Variants in SMOC1 observed in about 807,000 individuals in gnomAD.
SMOC1 encodes the protein SPARC related modular calcium binding 1.
SMOC1 carries 22 observed loss-of-function variants against 56.3 expected under a neutral mutation model. The ratio of observed to expected loss-of-function variants is 0.39; its 90% confidence interval spans 0.28 to 0.56. The LOEUF is 0.56. Among genes scored for constraint, SMOC1 ranks in the 20% least tolerant of loss-of-function variants. SMOC1 has a pLI of 0.61. For missense variants in SMOC1, 509 were observed against 565.4 expected (o/e 0.90, Z 1.01); for synonymous variants, 193 against 215.0 (o/e 0.90, Z 0.89).
chr14:69,982,484 G>A (rs1474201032), intron 5 of SMOC1, among the ~76,000 whole-genome samples: 1 of 152,200 alleles, frequency 6.6e-6, no homozygotes, highest in Admixed American at 6.5e-5. Context: ...GAGCAGCTCT[G>A]AGGGGCAGGC....
intron 1 of SMOC1, among the ~76,000 whole-genome samples, chr14:69,935,369 T>C (rs548748276): frequency 2.0e-5 from 3 of 152,268 alleles, no homozygotes; most frequent in African/African-American, 7.2e-5. Flanking sequence ...CTAGAAGAAA[T>C]AGTTTCTTAT....
At chr14:70,010,518 G>C (rs577889123) in intron 7 of SMOC1, among the ~76,000 whole-genome samples, 240 of 152,334 alleles carry the variant, frequency 1.6e-3, no homozygotes, top group African/African-American at 5.3e-3. Flanking sequence ...CTATTTGGTG[G>C]GAATGCTAAT....
At chr14:69,997,728 T>C (rs1884818243) in intron 7 of SMOC1, among the ~76,000 whole-genome samples, 1 of 152,186 alleles carries the variant, frequency 6.6e-6, no homozygotes, top group South Asian at 2.1e-4. Context: ...TAATGAGAAG[T>C]CAGATATACC....
intron 1 of SMOC1, among the ~76,000 whole-genome samples, chr14:69,943,622 T>C (rs1882663217): frequency 6.6e-6 from 1 of 152,194 alleles, no homozygotes; most frequent in Non-Finnish European, 1.5e-5. Flanking sequence ...CAGCTAGACG[T>C]CTGGAATGTG....
At chr14:69,880,635 G>A (rs985231727) in intron 1 of SMOC1, among the ~76,000 whole-genome samples, 1 of 152,158 alleles carries the variant, frequency 6.6e-6, no homozygotes, top group East Asian at 1.9e-4. Flanking sequence ...ACTATTAAAC[G>A]ACCTAGTGGT....
intron 3 of SMOC1, among the ~76,000 whole-genome samples, chr14:69,958,786 A>G (rs1362473082): frequency 6.6e-6 from 1 of 152,232 alleles, no homozygotes; most frequent in African/African-American, 2.4e-5. Context: ...AAAATTGGAA[A>G]CAACCTAAAT....
At chr14:69,989,869 A>G (rs1283602587) in intron 5 of SMOC1, among the ~76,000 whole-genome samples, 1 of 152,204 alleles carries the variant, frequency 6.6e-6, no homozygotes, top group Non-Finnish European at 1.5e-5. Context: ...AGAAGCCAGG[A>G]GCCCAGGTGC....
intron 7 of SMOC1, among the ~76,000 whole-genome samples, chr14:70,010,117 C>T (rs1379847017): frequency 6.6e-6 from 1 of 152,214 alleles, no homozygotes; most frequent in East Asian, 1.9e-4. Flanking sequence ...TCCGGCTGGG[C>T]CTGTTTTCTC....
In SMOC1 at chr14:69,879,652, T is replaced by C; in HGVS notation, c.-27T>C. On this transcript the variant is annotated 5_prime_UTR_variant, in exon 1 of 12. Transcript: ENST00000361956. ...CGCGGAGCCCGCGAACCCCGCTCGC[T>C]GCCGGCTGCCCAGCCTGGCTGGCAC... The C allele has an allele frequency of 1.4e-6, 2 of 1,471,340 alleles. No homozygotes were observed. The highest frequency in any genetic ancestry group is 1.8e-6 in the Non-Finnish European group (2 of 1,117,794). The allele number at this position is 1,471,340 out of a possible 1,614,324, so 91.1% of individuals were successfully genotyped here. A position where few individuals can be genotyped will look rare whatever the true frequency, so the allele number is the denominator to read the frequency against.
At chr14:69,919,112 T>C (rs1490337270) in intron 1 of SMOC1, among the ~76,000 whole-genome samples, 2 of 152,204 alleles carry the variant, frequency 1.3e-5, no homozygotes, top group African/African-American at 4.8e-5. Context: ...GGGTTACTTT[T>C]TGCAGAAGAG....
At chr14:69,992,054 A>G (rs8022808) in intron 5 of SMOC1, among the ~76,000 whole-genome samples, 8,875 of 152,240 alleles carry the variant, frequency 0.058, 343 homozygotes, top group Non-Finnish European at 0.086. Flanking sequence ...ATGCCTGGCC[A>G]TAACTCAGGG....
intron 7 of SMOC1, among the ~76,000 whole-genome samples, chr14:70,001,791 C>CACAT (rs1283948211): frequency 6.6e-6 from 1 of 152,196 alleles, no homozygotes; most frequent in African/African-American, 2.4e-5. Flanking sequence ...CCCTGTGAGG[C>CACAT]ATGTGCAAGA....
chr14:69,920,904 T>G (rs1002558580), intron 1 of SMOC1, among the ~76,000 whole-genome samples: 1 of 152,106 alleles, frequency 6.6e-6, no homozygotes, highest in Non-Finnish European at 1.5e-5. Flanking sequence ...GGTGAAATTC[T>G]TCTCATTGTT....
At chr14:69,990,601 T>TTTA (rs1884529341) in intron 5 of SMOC1, among the ~76,000 whole-genome samples, 3 of 152,168 alleles carry the variant, frequency 2.0e-5, no homozygotes. Context: ...GAAAGAGGTG[T>TTTA]TAATAGAGTC....
At chr14:69,900,525 C>G (rs1884216731) in intron 1 of SMOC1, among the ~76,000 whole-genome samples, 1 of 152,150 alleles carries the variant, frequency 6.6e-6, no homozygotes, top group Non-Finnish European at 1.5e-5. Flanking sequence ...TTTTCTAAGC[C>G]CCTTTGCACA....
chr14:69,891,635 G>A (rs1193700929), intron 1 of SMOC1, among the ~76,000 whole-genome samples: 1 of 152,018 alleles, frequency 6.6e-6, no homozygotes, highest in Non-Finnish European at 1.5e-5. Flanking sequence ...GCCTTCTCCC[G>A]GCCTGTGCCT....
chr14:69,970,484 C>G (rs1883720554), intron 3 of SMOC1, among the ~76,000 whole-genome samples: 1 of 152,176 alleles, frequency 6.6e-6, no homozygotes, highest in Admixed American at 6.5e-5. Context: ...CTGTTATTAA[C>G]TAGCTTTGAA....
At position 70,010,735 on chromosome 14, in the gene SMOC1, G is replaced by A. The variant is rs941940933; in HGVS notation, c.665-19G>A. ...ATCACAGGAGTGATAGTCACCACAG[G>A]CTGTGTCTTCTCTTGCAGAGAAAGT... On this transcript the variant is annotated intron_variant, in intron 7 of 11. Coordinates refer to ENST00000361956, the MANE Select transcript of SMOC1 (RefSeq NM_001034852.3). 1 of 1,613,602 alleles carries A rather than the reference G, an allele frequency of 6.2e-7. No individual in the cohort carries two copies. Among genetic ancestry groups the A allele is most frequent in the East Asian group, 2.2e-5 (1 of 44,880 alleles).
At chr14:69,903,955 A>C (rs1884339065) in intron 1 of SMOC1, among the ~76,000 whole-genome samples, 1 of 151,706 alleles carries the variant, frequency 6.6e-6, no homozygotes, top group African/African-American at 2.4e-5. Context: ...AGGAGAGGTC[A>C]CGTGGAGCAG....
Sources: gnomAD v4.1 joint callset for allele counts (sites outside exome capture counted in the v4.1 genomes callset) on GRCh38, gnomAD v4.1.1 for gene constraint, MANE v1.5 for transcripts, NCBI Gene and HGNC (gene_info 2026-07-23, HGNC 2026-07-21) for gene names.